AGBL3: variants seen among roughly 807,000 people sequenced by gnomAD.
AGBL3 encodes AGBL carboxypeptidase 3.
AGBL3 carries 68 observed loss-of-function variants against 94.5 expected under a neutral mutation model. The ratio of observed to expected loss-of-function variants is 0.72; its 90% confidence interval spans 0.59 to 0.88. The LOEUF is 0.88. Ranked by LOEUF, AGBL3 falls within the 40% of genes least tolerant of loss-of-function variation. The pLI is 0.00. For missense variants in AGBL3, 934 were observed against 1,103.8 expected, an observed-to-expected ratio of 0.85 and a Z score of 2.18; for synonymous variants, 354 against 370.7, an observed-to-expected ratio of 0.95 and a Z score of 0.52.
In AGBL3 at chr7:135,021,584, G is replaced by A. The variant is rs556365274; in HGVS notation, c.418+4425G>A. 1.3e-3 allele frequency among the ~76,000 whole-genome samples: 197 copies of A among 151,436 alleles called. 1 individual carries two copies. The highest frequency in any genetic ancestry group is 2.3e-3 in the Non-Finnish European group (153 of 67,934). ...TGGGATTACAGGCGTGAGCCACCAC[G>A]CCCGGCCCTACTTTTAACCTATGTT... On this transcript the variant is annotated intron_variant, in intron 5 of 16. Coordinates refer to ENST00000436302, the MANE Select transcript of AGBL3 (RefSeq NM_178563.4).
intron 4 of AGBL3, among the ~76,000 whole-genome samples, chr7:135,014,934 G>T (rs1813591693): frequency 6.6e-6 from 1 of 152,156 alleles, no homozygotes; most frequent in African/African-American, 2.4e-5. Context: ...AAACATATTT[G>T]CTATGCACAG....
rs143688397 is a variant in AGBL3, at chr7:135,111,941, G to A, written c.2111-3439G>A. Among the ~76,000 whole-genome samples, 354 of 151,926 alleles carry A rather than the reference G, an allele frequency of 2.3e-3. 1 individual carries two copies. The highest frequency in any genetic ancestry group is 7.6e-3 in the African/African-American group (317 of 41,446). The stretch of plus-strand genomic sequence containing the variant: ...ACTGGATATCGCCATCTGTTTTTCC[G>A]CACAGGCACTTCTATTCAATGTGTC... On this transcript the variant is annotated intron_variant, in intron 15 of 16. Coordinates refer to ENST00000436302, the MANE Select transcript of AGBL3 (RefSeq NM_178563.4).
chr7:135,034,621 A>G lies in AGBL3; in HGVS notation c.1030A>G (p.Thr344Ala), dbSNP rs1563202913. The part of the protein sequence containing the change: ...RNMVYILTIT[T>A]PLKNSDSRKR... ...CATGGTGTATATTTTAACAATCACT[A>G]CCCCCTTGAAGAACTCTGACTCAAG... The change falls in exon 7 of 17, where the codon ACC becomes GCC. Residue 344 changes from threonine to alanine, a missense_variant. This residue lies in a region of AGBL3 where 488 missense variants were observed against 563.6 expected (regional missense o/e 0.87). Transcript: ENST00000436302. The G allele has an allele frequency of 1.3e-6, 2 of 1,551,416 alleles. No homozygotes were observed. Among genetic ancestry groups the G allele is most frequent in the Middle Eastern group, 3.3e-4 (2 of 5,994 alleles).
intron 13 of AGBL3, 51 bp downstream of exon 13, chr7:135,076,519 G>A: frequency 1.5e-6 from 2 of 1,348,646 alleles, no homozygotes; most frequent in South Asian, 2.6e-5. Flanking sequence ...GAATGAAAGA[G>A]AATGGCAAGT....
intron 12 of AGBL3, among the ~76,000 whole-genome samples, chr7:135,067,373 A>G (rs1358939911): frequency 6.6e-6 from 1 of 152,246 alleles, no homozygotes; most frequent in Non-Finnish European, 1.5e-5. Context: ...TCCCTGCCTG[A>G]CAGCTTTGAA....
chr7:135,128,452 G>T lies in AGBL3; in HGVS notation c.2343-6389G>T. 8.2e-6 allele frequency: 6 copies of T among 728,286 alleles called. No homozygotes were observed. The South Asian group carries it at 8.5e-5, about 10-fold the overall frequency. 45.1% of individuals were successfully genotyped at this position (728,286 alleles called of 1,614,324 possible). ...TTCCTCAGAAAATTAAATGTCAGAAGACCAAGAAGCTCAAGAGGATGAATT... is the reference window on the plus strand; with the variant it reads ...TTCCTCAGAAAATTAAATGTCAGAATACCAAGAAGCTCAAGAGGATGAATT... On this transcript the variant is annotated intron_variant, in intron 16 of 16. Transcript: ENST00000436302.
chr7:135,020,724 C>T (rs943501858), intron 5 of AGBL3, among the ~76,000 whole-genome samples: 1 of 152,026 alleles, frequency 6.6e-6, no homozygotes. Context: ...GAATACTATG[C>T]GGCCATAAAA....
chr7:135,080,320 T>C (rs1820809961), intron 14 of AGBL3, 60 bp downstream of exon 14: 1 of 1,426,680 alleles, frequency 7.0e-7, no homozygotes, highest in Admixed American at 2.0e-5. Context: ...CTAAGAATTT[T>C]TGGTGCCACA....
intron 8 of AGBL3, 113 bp from the exon 9 acceptor site, chr7:135,043,912 C>G: frequency 7.5e-7 from 1 of 1,335,218 alleles, no homozygotes; most frequent in South Asian, 1.7e-5. Context: ...GCTCCTGAAG[C>G]TTTAGTGAGA....
chr7:134,994,744 A>G (rs1810766617), intron 4 of AGBL3, among the ~76,000 whole-genome samples: 1 of 152,252 alleles, frequency 6.6e-6, no homozygotes, highest in Admixed American at 6.5e-5. Flanking sequence ...GTGGAGAGAG[A>G]GAAAGAACAC....
At chr7:135,108,134 T>C (rs1378121237) in intron 15 of AGBL3, among the ~76,000 whole-genome samples, 1 of 152,196 alleles carries the variant, frequency 6.6e-6, no homozygotes, top group African/African-American at 2.4e-5. Flanking sequence ...CTCTAGAAGA[T>C]AGCATACCAT....
intron 12 of AGBL3, among the ~76,000 whole-genome samples, chr7:135,061,733 T>C (rs941719185): frequency 1.3e-5 from 2 of 152,144 alleles, no homozygotes; most frequent in Non-Finnish European, 2.9e-5. Context: ...TTTCATTCTA[T>C]TGGTTTATGT....
At chr7:135,076,301 T>C in intron 12 of AGBL3, 96 bp from the exon 13 acceptor site, 1 of 955,450 alleles carries the variant, frequency 1.0e-6, no homozygotes, top group Non-Finnish European at 1.6e-6. Flanking sequence ...CTTCTCATCT[T>C]CTTAGAAGTG....
At chr7:135,014,686 T>C (rs1232163217) in intron 4 of AGBL3, among the ~76,000 whole-genome samples, 1 of 152,160 alleles carries the variant, frequency 6.6e-6, no homozygotes, top group Non-Finnish European at 1.5e-5. Flanking sequence ...GAAGGCATGG[T>C]GTTGTCTCAG....
intron 8 of AGBL3, among the ~76,000 whole-genome samples, chr7:135,040,915 C>A (rs1426090129): frequency 1.3e-5 from 2 of 149,718 alleles, no homozygotes; most frequent in African/African-American, 4.9e-5. Context: ...AAAACTAGAA[C>A]AAGGGAATTT....
rs566050254 is a variant in AGBL3 at position 135,083,277 on chromosome 7, G to A, written c.2110+1487G>A. ...TTACACCCTTCATACTACCATCAAA[G>A]TGATTTACCAGAAACACAAATCTGA... On this transcript the variant is annotated intron_variant, in intron 15 of 16. Transcript: ENST00000436302. Among the ~76,000 whole-genome samples, 159 of 152,086 alleles carry A rather than the reference G, an allele frequency of 1.0e-3. 6 individuals carry two copies. Among genetic ancestry groups the A allele is most frequent in the Admixed American group, 0.01 (157 of 15,256 alleles).
At chr7:135,019,330 G>C (rs1040957267) in intron 5 of AGBL3, among the ~76,000 whole-genome samples, 2 of 152,132 alleles carry the variant, frequency 1.3e-5, no homozygotes, top group Admixed American at 6.6e-5. Flanking sequence ...CTTTTGATGA[G>C]TAGAACTTTT....
At chr7:135,018,764 T>C (rs1814093541) in intron 5 of AGBL3, among the ~76,000 whole-genome samples, 1 of 152,224 alleles carries the variant, frequency 6.6e-6, no homozygotes, top group African/African-American at 2.4e-5. Flanking sequence ...AAAATGTTCA[T>C]ATAAAGTTAA....
At position 135,017,879 on chromosome 7, in the gene AGBL3, A is replaced by G. The variant is rs145079706; in HGVS notation, c.418+720A>G. On this transcript the variant is annotated intron_variant, in intron 5 of 16. Transcript: ENST00000436302. ...ATATACTCACAATATTTTTAAACAA[A>G]TGGAGAGGAATACCTATGATTTTTC... Among the ~76,000 whole-genome samples, 1,077 of 152,300 alleles carry G rather than the reference A, an allele frequency of 7.1e-3. 15 individuals are homozygous for G. The highest frequency in any genetic ancestry group is 0.025 in the African/African-American group (1,027 of 41,558).
Sources: gnomAD v4.1 joint callset for allele counts (sites outside exome capture counted in the v4.1 genomes callset) on GRCh38, gnomAD v4.1.1 for gene constraint, gnomAD v4.1.1 regional missense constraint, MANE v1.5 for transcripts, NCBI Gene and HGNC (gene_info 2026-07-23, HGNC 2026-07-21) for gene names.